Variants in IGSF8 observed in about 807,000 individuals in gnomAD.
The protein encoded by IGSF8 is immunoglobulin superfamily member 8, also known as CD81 partner 3.
IGSF8 carries 46 observed loss-of-function variants against 55.5 expected under a neutral mutation model. That is an observed-to-expected ratio of 0.83 (90% CI 0.65 to 1.06). IGSF8 has a LOEUF of 1.06. Among genes scored for constraint, IGSF8 ranks in the 50% least tolerant of loss-of-function variants. The pLI, the probability that IGSF8 is intolerant of heterozygous loss-of-function variation, is 0.00. For synonymous variants in IGSF8, 314 were observed against 356.1 expected (o/e 0.88, Z 1.33); for missense variants, 731 against 832.3 (o/e 0.88, Z 1.50).
At position 160,098,590 on chromosome 1, in the gene IGSF8, G is replaced by A. The variant is rs1047535069; in HGVS notation, c.-118C>T. On this transcript the variant is annotated 5_prime_UTR_variant, in exon 1 of 7. Transcript: ENST00000314485. The stretch of plus-strand genomic sequence containing the variant: ...AAGCGGGGCAGCGAGGCGTGGGTGC[G>A]CCGAGCGAGCTGAACTGGAGCTGCC... 3 of 657,556 alleles carry A rather than the reference G, an allele frequency of 4.6e-6. No individual in the cohort carries two copies. Among genetic ancestry groups the A allele is most frequent in the Non-Finnish European group, 7.6e-6 (3 of 395,608 alleles). 40.7% of individuals were successfully genotyped at this position (657,556 alleles called of 1,614,324 possible).
chr1:160,092,954 G>A lies in IGSF8; in HGVS notation c.1282C>T (p.Arg428Trp), dbSNP rs777061327. 28 of 1,607,466 alleles carry A rather than the reference G, an allele frequency of 1.7e-5. No individual in the cohort carries two copies. Among genetic ancestry groups the A allele is most frequent in the Middle Eastern group, 1.6e-4 (1 of 6,064 alleles). ...TCCCGCACATGTACAGGGAGAGGCC[G>A]GGAACGGGCACTGGCTGCTTCACGA... ...RLREAASARS[R>W]PLPVHVREEG... Residue 428 changes from arginine to tryptophan, a missense_variant, in exon 4 of 7, where the codon CGG (arginine) becomes TGG (tryptophan). Transcript: ENST00000314485.
rs778189951 is a variant in IGSF8 at position 160,098,416 on chromosome 1, TAGC to T, written c.54_56del (p.Leu19del). The T allele has an allele frequency of 1.4e-5, 21 of 1,548,300 alleles. No individual in the cohort carries two copies. The highest frequency in any genetic ancestry group is 3.9e-5 in the Admixed American group (2 of 50,678). ...AACGGGGGCCTGGCTTACCTAGCATTAGCAGCAGCAGCAGCGGCAGCGAAGGCG... is the reference window on the plus strand; with the variant it reads ...AACGGGGGCCTGGCTTACCTAGCATTAGCAGCAGCAGCGGCAGCGAAGGCG... On this transcript the variant is annotated inframe_deletion, in exon 1 of 7. Coordinates refer to ENST00000314485, the MANE Select transcript of IGSF8 (RefSeq NM_052868.6).
rs767669195 is a variant in IGSF8 at position 160,095,112 on chromosome 1, A to G, written c.199T>C (p.Tyr67His). The change falls in exon 2 of 7, where the codon TAT becomes CAT. Residue 67 changes from tyrosine (Y) to histidine (H), a missense_variant. Transcript: ENST00000314485. ...PAQQNFEWFLYRPEAPDTALG... is the reference protein window; with the variant it reads ...PAQQNFEWFLHRPEAPDTALG... ...GCAGTATCTGGGGCCTCGGGCCTAT[A>G]CAGGAACCACTCGAAGTTCTGCTGG... The G allele has an allele frequency of 1.9e-6, 3 of 1,613,988 alleles. No individual in the cohort carries two copies. Among genetic ancestry groups the G allele is most frequent in the Non-Finnish European group, 2.5e-6 (3 of 1,180,038 alleles).
Position 160,095,126 on chromosome 1 carries a change from AAGT to A in IGSF8, c.182_184del (p.Asn61_Phe62delinsIle). On this transcript the variant is annotated inframe_deletion, in exon 2 of 7. Transcript: ENST00000314485. ...CTCGGGCCTATACAGGAACCACTCG[AAGT>A]TCTGCTGGGCAGGGCCCTCATAGCC... The A allele has an allele frequency of 6.2e-7, 1 of 1,614,056 alleles. No individual in the cohort carries two copies. The highest frequency in any genetic ancestry group is 8.5e-7 in the Non-Finnish European group (1 of 1,180,036).
chr1:160,099,338 G>A (rs1650681683), upstream of IGSF8, among the ~76,000 whole-genome samples: 1 of 152,220 alleles, frequency 6.6e-6, no homozygotes, highest in Non-Finnish European at 1.5e-5. Flanking sequence ...CCCTGCTGAA[G>A]TAGGGGTTGG....
intron 6 of IGSF8, 35 bp from the exon 7 acceptor site, chr1:160,091,643 G>C (rs1649959592): frequency 3.3e-6 from 2 of 612,946 alleles, no homozygotes; most frequent in South Asian, 1.9e-5. Context: ...TAAGGACAGA[G>C]AGCCCTGAGT....
rs1650277623 is a variant in IGSF8 at position 160,094,542 on chromosome 1, C to T, written c.442+327G>A. Among the ~76,000 whole-genome samples, 1 of 152,096 alleles carries T rather than the reference C, an allele frequency of 6.6e-6. No homozygotes were observed. The highest frequency in any genetic ancestry group is 2.4e-5 in the African/African-American group (1 of 41,402). On this transcript the variant is annotated intron_variant, in intron 2 of 6. Transcript: ENST00000314485. This position sits in a 1 kb window ranked among gnomAD's most constrained non-coding sequence, Gnocchi z 4.0. ...CTACTCTCTTTCCCAGATCTGGGTCCTGTACTGTCCAGGAGTAGAGGCTAT... is the reference window on the plus strand; with the variant it reads ...CTACTCTCTTTCCCAGATCTGGGTCTTGTACTGTCCAGGAGTAGAGGCTAT...
At chr1:160,098,720 G>C, upstream of IGSF8, 1 of 321,146 alleles carries the variant, frequency 3.1e-6, no homozygotes, top group South Asian at 3.7e-5. Context: ...CCACCGCCCC[G>C]TCTAGGCCCG....
rs751433058 is a variant in IGSF8, at chr1:160,093,966, C to A, written c.648G>T (p.Leu216=). ...CTGACCGGATTCCCACCACTTCCTG[C>A]AGAGTTGACCGCCCAACTGGTGCCT... ...VPEAPVGRST[L]QEVVGIRSDL... The change falls in exon 3 of 7, where the codon CTG becomes CTT. Residue 216 remains leucine (L), a synonymous_variant. Transcript: ENST00000314485. The A allele has an allele frequency of 6.2e-7, 1 of 1,614,270 alleles. No individual in the cohort carries two copies. The highest frequency in any genetic ancestry group is 1.1e-5 in the South Asian group (1 of 91,088).
intron 1 of IGSF8, chr1:160,097,733 G>A: frequency 1.0e-6 from 1 of 985,444 alleles, no homozygotes; most frequent in Non-Finnish European, 1.2e-6. Flanking sequence ...CAAGGTGCTT[G>A]GAGATCCCAG....
Position 160,094,135 on chromosome 1 carries a change from G to C in IGSF8, c.479C>G (p.Pro160Arg). The change falls in exon 3 of 7, where the codon CCA becomes CGA. Residue 160 changes from proline to arginine, a missense_variant. Transcript: ENST00000314485. The surrounding 1 kb of genome is among the most constrained non-coding windows in gnomAD (Gnocchi z 4.0). ...PDVLQVSAAP[P>R]GPRGRQAPTS... The stretch of plus-strand genomic sequence containing the variant: ...TGGGGCCTGGCGGCCTCGGGGCCCT[G>C]GGGGGGCAGCAGACACCTGGAGGAC... The C allele has an allele frequency of 6.2e-7, 1 of 1,603,788 alleles. No individual in the cohort carries two copies. Among genetic ancestry groups the C allele is most frequent in the Non-Finnish European group, 8.5e-7 (1 of 1,178,554 alleles).
Position 160,092,313 on chromosome 1 carries a change from T to G in IGSF8, c.1695A>C (p.Ser565=). The G allele has an allele frequency of 6.2e-7, 1 of 1,614,104 alleles. No homozygotes were observed. The highest frequency in any genetic ancestry group is 8.5e-7 in the Non-Finnish European group (1 of 1,179,958). ...TGTAGGGGTAGACTGTAACAGGCCC[T>G]GAGCGGGCACTGCCCGCCTGGTACC... ...YSWYQAGSAR[S]GPVTVYPYMH... Residue 565 remains serine (S), a synonymous_variant, in exon 5 of 7, where the codon TCA becomes TCC. Transcript: ENST00000314485.
chr1:160,093,102 G>A lies in IGSF8; in HGVS notation c.1134C>T (p.His378=). ...GSLGPGYEGR[H]IAMEKVASRT... is the part of the protein sequence containing the mutation. ...TGGATGCCACCTTCTCCATGGCAAT[G>A]TGTCGGCCCTCATAGCCAGGGCCCA... The change falls in exon 4 of 7, where the codon CAC becomes CAT. Residue 378 remains histidine, a synonymous_variant. Coordinates refer to ENST00000314485, the MANE Select transcript of IGSF8 (RefSeq NM_052868.6). The A allele has an allele frequency of 6.2e-7, 1 of 1,613,960 alleles. No homozygotes were observed. Among genetic ancestry groups the A allele is most frequent in the Non-Finnish European group, 8.5e-7 (1 of 1,179,862 alleles).
chr1:160,092,717 G>A (rs769379520), intron 4 of IGSF8, 22 bp from the exon 5 acceptor site: 17 of 1,597,706 alleles, frequency 1.1e-5, no homozygotes, highest in South Asian at 3.3e-5. Flanking sequence ...AGGACATGGG[G>A]TCAGAGGGTG....
At chr1:160,097,503 A>C (rs1399359800) in intron 1 of IGSF8, among the ~76,000 whole-genome samples, 1 of 152,046 alleles carries the variant, frequency 6.6e-6, no homozygotes, top group African/African-American at 2.4e-5. Flanking sequence ...CTCTGAAGTC[A>C]CCATCCCCAC....
At position 160,091,837 on chromosome 1, in the gene IGSF8, G is replaced by A. The variant is rs1324512766; in HGVS notation, c.1828C>T (p.Leu610Phe). 6.2e-7 allele frequency: 1 copy of A among 1,613,184 alleles called. No homozygotes were observed. Among genetic ancestry groups the A allele is most frequent in the Admixed American group, 1.7e-5 (1 of 59,996 alleles). ...GGAGTAAGGGATCACCGTTTTCGAA[G>A]CCTCTTCATGAAGCAGCAAGTGATG... ...GTITCCFMKR[L>F]RKR The change falls in exon 6 of 7, where the codon CTT becomes TTT. Residue 610 changes from leucine to phenylalanine, a missense_variant. Physicochemically the swap from Leu to Phe is conservative, Grantham distance 22. Transcript: ENST00000314485.
At chr1:160,099,406 C>G (rs781549878), upstream of IGSF8, among the ~76,000 whole-genome samples, 4 of 152,240 alleles carry the variant, frequency 2.6e-5, no homozygotes, top group Non-Finnish European at 4.4e-5. Context: ...TTCCAGGATC[C>G]AGAAGGTCAC....
At chr1:160,098,306 C>T (rs1650580871) in intron 1 of IGSF8, 103 bp downstream of exon 1, 2 of 1,463,530 alleles carry the variant, frequency 1.4e-6, no homozygotes, top group Admixed American at 2.4e-5. Context: ...CTGGAGGTAC[C>T]CCTGACGGAG....
At chr1:160,093,377 C>T (rs1254131182) in intron 3 of IGSF8, 46 bp from the exon 4 acceptor site, 3 of 1,516,548 alleles carry the variant, frequency 2.0e-6, no homozygotes, top group East Asian at 2.3e-5. Context: ...CAGGAGGGGA[C>T]ACAGAGGCAC....
Sources: gnomAD v4.1 joint callset for allele counts (sites outside exome capture counted in the v4.1 genomes callset) on GRCh38, gnomAD v4.1.1 for gene constraint, Gnocchi (gnomAD v3.1) non-coding constraint, MANE v1.5 for transcripts, NCBI Gene and HGNC (gene_info 2026-07-23, HGNC 2026-07-21) for gene names.